The following JCAD variants were observed in gnomAD, a reference collection of about 807,000 sequenced individuals.
JCAD encodes junctional cadherin 5-associated protein.
Under a neutral mutation model 98.0 loss-of-function variants are expected in JCAD, and 40 were observed. The ratio of observed to expected loss-of-function variants is 0.41; its 90% CI spans 0.32 to 0.53. The LOEUF (loss-of-function observed/expected upper bound fraction) is 0.53. JCAD is among the 20% of genes least tolerant of loss of function. The pLI is 0.31. For missense variants in JCAD, 1,705 were observed against 1,738.1 expected (o/e 0.98, Z 0.34); for synonymous variants, 691 against 682.3 (o/e 1.01, Z -0.20).
chr10:30,090,536 G>A (rs1228537972), intron 1 of JCAD, among the ~76,000 whole-genome samples: 1 of 142,214 alleles, frequency 7.0e-6, no homozygotes, highest in Middle Eastern at 3.5e-3. Context: ...GTGAGACTCT[G>A]TCTCAGGAAA....
At chr10:30,099,150 A>G (rs535285116) in intron 1 of JCAD, among the ~76,000 whole-genome samples, 1 of 152,342 alleles carries the variant, frequency 6.6e-6, no homozygotes, top group East Asian at 1.9e-4. Flanking sequence ...AAAATTATTT[A>G]AAAGTGGGGA....
In JCAD at chr10:30,027,779, C is replaced by T; in HGVS notation, c.2369G>A (p.Gly790Glu). The change falls in exon 3 of 4, where the codon GGG (glycine) becomes GAG (glutamate). Residue 790 changes from glycine to glutamate, a missense_variant. Gly to Glu is a moderately conservative substitution (Grantham distance 98). This residue lies in a region of JCAD where 1,278 missense variants were observed against 1,243.1 expected (regional missense o/e 1.03). Coordinates refer to ENST00000375377, the MANE Select transcript of JCAD (RefSeq NM_020848.4). ...GRSQPCVDVH[G>E]LGAHPGPKRE... ...CTTAGGCCCAGGGTGGGCTCCAAGCCCGTGGACATCCACGCAGGGCTGACT... is the reference window on the plus strand; with the variant it reads ...CTTAGGCCCAGGGTGGGCTCCAAGCTCGTGGACATCCACGCAGGGCTGACT... 2 of 1,614,250 alleles carry T rather than the reference C, an allele frequency of 1.2e-6. No homozygotes were observed. The highest frequency in any genetic ancestry group is 1.7e-6 in the Non-Finnish European group (2 of 1,180,040).
intron 3 of JCAD, among the ~76,000 whole-genome samples, chr10:30,025,613 G>T (rs1412640775): frequency 7.2e-6 from 1 of 138,934 alleles, no homozygotes; most frequent in East Asian, 2.4e-4. Flanking sequence ...GTCCCTTCCA[G>T]TCCATGGCTT....
intron 2 of JCAD, among the ~76,000 whole-genome samples, chr10:30,044,391 A>G (rs1837295283): frequency 6.6e-6 from 1 of 152,154 alleles, no homozygotes; most frequent in South Asian, 2.1e-4. Flanking sequence ...GGTGTTGAGG[A>G]CTGGCTCAAA....
chr10:30,109,294 G>A (rs1838645846), intron 1 of JCAD, among the ~76,000 whole-genome samples: 1 of 152,148 alleles, frequency 6.6e-6, no homozygotes. Context: ...TGCATGTCTA[G>A]GCTTGGTTCA....
intron 1 of JCAD, among the ~76,000 whole-genome samples, chr10:30,071,557 C>T (rs1374115445): frequency 6.6e-6 from 1 of 152,096 alleles, no homozygotes; most frequent in Non-Finnish European, 1.5e-5. Flanking sequence ...GTAATCCCAG[C>T]ACTTTGGGAG....
At chr10:30,051,797 A>G (rs1158248056) in intron 1 of JCAD, among the ~76,000 whole-genome samples, 1 of 152,186 alleles carries the variant, frequency 6.6e-6, no homozygotes, top group African/African-American at 2.4e-5. Flanking sequence ...ATAAGAAAAA[A>G]AAGGAATAAT....
intron 1 of JCAD, among the ~76,000 whole-genome samples, chr10:30,093,365 G>A (rs886733961): frequency 3.9e-5 from 6 of 152,138 alleles, no homozygotes; most frequent in African/African-American, 1.2e-4. Context: ...CCACATATTC[G>A]TGTTGCTTAC....
chr10:30,051,773 G>A (rs1362765261), intron 1 of JCAD, among the ~76,000 whole-genome samples: 1 of 152,122 alleles, frequency 6.6e-6, no homozygotes, highest in Non-Finnish European at 1.5e-5. Context: ...ATGCACAGGG[G>A]GCTGGCAGAG....
chr10:30,095,122 G>C (rs939986696), intron 1 of JCAD, among the ~76,000 whole-genome samples: 4 of 152,092 alleles, frequency 2.6e-5, no homozygotes, highest in Non-Finnish European at 5.9e-5. Context: ...CGAACTTTAT[G>C]TTTATTCTCT....
At position 30,097,742 on chromosome 10, in the gene JCAD, G is replaced by A. The variant is rs535956832; in HGVS notation, n.128+17625C>T. On this transcript the variant is annotated intron_variant and non_coding_transcript_variant, in intron 1 of 2. Coordinates refer to the JCAD transcript ENST00000465712. ...TGCCCCACTGCACTCCAGCCTGGGC[G>A]ACAGATGGAAACTCCGTCTCAAAAA... Among the ~76,000 whole-genome samples the A allele has an allele frequency of 3.7e-3, 563 of 152,136 alleles. 6 individuals carry two copies. Among genetic ancestry groups the A allele is most frequent in the African/African-American group, 0.012 (505 of 41,494 alleles).
At chr10:30,111,669 A>G (rs1211800418) in intron 1 of JCAD, among the ~76,000 whole-genome samples, 1 of 152,212 alleles carries the variant, frequency 6.6e-6, no homozygotes, top group Non-Finnish European at 1.5e-5. Flanking sequence ...AGGAAATACA[A>G]AGTGAATGAC....
At chr10:30,020,038 C>T (rs1319250004) in intron 3 of JCAD, among the ~76,000 whole-genome samples, 2 of 145,328 alleles carry the variant, frequency 1.4e-5, no homozygotes, top group Non-Finnish European at 3.0e-5. Flanking sequence ...GTTAGAAAAA[C>T]AATCTTTTGG....
rs1261493618 is a variant in JCAD at position 30,016,835 on chromosome 10, C to A, written c.*1048G>T. 6.6e-6 allele frequency: 1 copy of A among 152,088 alleles called. No individual in the cohort carries two copies. Among genetic ancestry groups the A allele is most frequent in the Non-Finnish European group, 1.5e-5 (1 of 68,006 alleles). The allele number at this position is 152,088 out of a possible 1,614,324, so 9.4% of individuals were successfully genotyped here. ...ATATAACCTGATAGCTACACTTGTA[C>A]AAAAATCTTTGTGAAAAGTTTCTTT... On this transcript the variant is annotated 3_prime_UTR_variant, in exon 4 of 4. Transcript: ENST00000375377.
At chr10:30,044,873 A>T (rs1375245549) in intron 2 of JCAD, 18 of 832,296 alleles carry the variant, frequency 2.2e-5, no homozygotes, top group Non-Finnish European at 2.6e-5. Context: ...CCTTGCAGCC[A>T]GTCTCTGAAG....
rs1271671978 is a variant in JCAD, at chr10:30,029,638, T to C, written c.510A>G (p.Glu170=). The change falls in exon 3 of 4, where the codon GAA becomes GAG. Residue 170 remains glutamate, a synonymous_variant. Coordinates refer to ENST00000375377, the MANE Select transcript of JCAD (RefSeq NM_020848.4). ...SEHVMKKPVW[E]EELRMSGPAK... ...CAGGACCTGACATTCGCAATTCTTC[T>C]TCCCAAACTGGCTTCTTCATCACAT... 6.2e-7 allele frequency: 1 copy of C among 1,614,244 alleles called. No individual in the cohort carries two copies. The highest frequency in any genetic ancestry group is 1.6e-4 in the Middle Eastern group (1 of 6,062).
Position 30,014,723 on chromosome 10 carries a change from T to G in JCAD, c.*3160A>C, listed in dbSNP as rs924933330. On this transcript the variant is annotated 3_prime_UTR_variant, in exon 4 of 4. Coordinates refer to ENST00000375377, the MANE Select transcript of JCAD (RefSeq NM_020848.4). Reference sequence around the variant, plus strand: ...GTCATTTTGCTGCTGCAAAAAATGATCACAGTCTGGTTTCTGAGTCATCTG... The same window carrying G: ...GTCATTTTGCTGCTGCAAAAAATGAGCACAGTCTGGTTTCTGAGTCATCTG... The G allele has an allele frequency of 3.3e-5, 5 of 152,162 alleles. No homozygotes were observed. Among genetic ancestry groups the G allele is most frequent in the Admixed American group, 6.5e-5 (1 of 15,276 alleles). The allele number at this position is 152,162 out of a possible 1,614,324, so 9.4% of individuals were successfully genotyped here.
chr10:30,091,536 T>C (rs940801059), intron 1 of JCAD, among the ~76,000 whole-genome samples: 1 of 152,108 alleles, frequency 6.6e-6, no homozygotes, highest in African/African-American at 2.4e-5. Context: ...AACTATATTT[T>C]AAATAATTTT....
At chr10:30,060,105 G>A (rs907622461), upstream of JCAD, among the ~76,000 whole-genome samples, 2 of 143,350 alleles carry the variant, frequency 1.4e-5, no homozygotes, top group Admixed American at 7.3e-5. Context: ...AACACAGTAT[G>A]GCTATACACA....
Sources: gnomAD v4.1 joint callset for allele counts (sites outside exome capture counted in the v4.1 genomes callset) on GRCh38, gnomAD v4.1.1 for gene constraint, gnomAD v4.1.1 regional missense constraint, MANE v1.5 for transcripts, NCBI Gene and HGNC (gene_info 2026-07-23, HGNC 2026-07-21) for gene names.